Variants in SEC14L5 observed in about 807,000 individuals in gnomAD.
SEC14L5 encodes the protein SEC14-like protein 5.
SEC14L5 carries 96 observed loss-of-function variants against 84.6 expected under a neutral mutation model. The observed-to-expected ratio is 1.13, with a 90% confidence interval of 0.96 to 1.34. The LOEUF is 1.34. Ranked by LOEUF, SEC14L5 falls within the 40% of genes most tolerant of loss-of-function variation. SEC14L5 has a pLI of 0.00. For synonymous variants in SEC14L5, 546 were observed against 383.4 expected (o/e 1.42, Z -4.95); for missense variants, 1,224 against 942.5 (o/e 1.30, Z -3.91).
chr16:4,989,003 C>G (rs1462440132), intron 4 of SEC14L5, among the ~76,000 whole-genome samples: 1 of 152,214 alleles, frequency 6.6e-6, no homozygotes, highest in East Asian at 1.9e-4. Context: ...AAGCTGAGTG[C>G]TGAAGGATGA....
At chr16:4,988,713 G>C (rs985763629) in intron 4 of SEC14L5, among the ~76,000 whole-genome samples, 7 of 152,110 alleles carry the variant, frequency 4.6e-5, no homozygotes, top group Non-Finnish European at 7.3e-5. Flanking sequence ...CTTTAGACCA[G>C]TGCCTGGCAC....
chr16:5,001,562 C>G lies in SEC14L5; in HGVS notation c.1130+637C>G, dbSNP rs115094948. On this transcript the variant is annotated intron_variant, in intron 10 of 15. Coordinates refer to ENST00000251170, the MANE Select transcript of SEC14L5 (RefSeq NM_014692.2). ...GCGTGAGCCACCACTCACAGCCTGA[C>G]TTTGCTTTTTGAGATCAGCTCTCCA... 4.1e-3 allele frequency among the ~76,000 whole-genome samples: 629 copies of G among 152,186 alleles called. 3 individuals are homozygous for G. Among genetic ancestry groups the G allele is most frequent in the African/African-American group, 0.014 (597 of 41,534 alleles).
At chr16:4,995,607 A>T (rs1001097868) in intron 6 of SEC14L5, among the ~76,000 whole-genome samples, 25 of 146,090 alleles carry the variant, frequency 1.7e-4, no homozygotes, top group Non-Finnish European at 3.1e-4. Flanking sequence ...CCTCAGTTTT[A>T]TCTTCTCTCT....
intron 8 of SEC14L5, among the ~76,000 whole-genome samples, chr16:5,000,177 G>C (rs1009649395): frequency 2.6e-5 from 4 of 151,622 alleles, no homozygotes; most frequent in Non-Finnish European, 5.9e-5. Flanking sequence ...TGTAATCCCA[G>C]CTACTCGGGA....
At chr16:4,975,819 T>C (rs1955332762) in intron 2 of SEC14L5, among the ~76,000 whole-genome samples, 1 of 152,128 alleles carries the variant, frequency 6.6e-6, no homozygotes, top group Admixed American at 6.6e-5. Context: ...TGACAGGCGA[T>C]GGGGGCACCT....
chr16:4,958,628 A>C (rs888026861), intron 1 of SEC14L5, among the ~76,000 whole-genome samples, 183 bp downstream of exon 1: 1 of 152,042 alleles, frequency 6.6e-6, no homozygotes, highest in African/African-American at 2.4e-5. Context: ...GTGTGTGTGC[A>C]TGTGCGCACG....
At chr16:5,009,348 G>A (rs1314142130) in intron 14 of SEC14L5, among the ~76,000 whole-genome samples, 1 of 151,948 alleles carries the variant, frequency 6.6e-6, no homozygotes, top group Non-Finnish European at 1.5e-5. Context: ...CTCTATCCAT[G>A]ATCAGGAAAC....
chr16:5,005,304 G>T (rs1005756622), intron 11 of SEC14L5, among the ~76,000 whole-genome samples: 1 of 151,786 alleles, frequency 6.6e-6, no homozygotes, highest in Non-Finnish European at 1.5e-5. Flanking sequence ...GACAGAGCGA[G>T]ACTCTGTCTC....
chr16:4,985,943 C>T (rs1955481487), intron 2 of SEC14L5, among the ~76,000 whole-genome samples: 1 of 151,586 alleles, frequency 6.6e-6, no homozygotes, highest in South Asian at 2.1e-4. Flanking sequence ...TTTGTGTGGA[C>T]TTATGTTTTC....
chr16:4,961,636 A>G (rs1027469473), intron 2 of SEC14L5, among the ~76,000 whole-genome samples: 1 of 152,158 alleles, frequency 6.6e-6, no homozygotes, highest in African/African-American at 2.4e-5. Context: ...GCCCCTATTC[A>G]TATAGCCTTA....
intron 2 of SEC14L5, among the ~76,000 whole-genome samples, chr16:4,976,208 C>G (rs186492979): frequency 6.5e-4 from 99 of 152,296 alleles, no homozygotes; most frequent in Admixed American, 6.4e-3. Context: ...AAGGTAGCTA[C>G]TTTTCTTACT....
chr16:4,994,698 T>A (rs368796624), intron 6 of SEC14L5, among the ~76,000 whole-genome samples: 4 of 150,790 alleles, frequency 2.7e-5, no homozygotes, highest in Admixed American at 1.3e-4. Context: ...TTTTTTTTTA[T>A]AACAGCGCCC....
chr16:4,990,059 A>C (rs537764770), intron 4 of SEC14L5, among the ~76,000 whole-genome samples: 4 of 151,728 alleles, frequency 2.6e-5, no homozygotes, highest in Non-Finnish European at 5.9e-5. Context: ...GATAACATAT[A>C]ATATACAACT....
intron 10 of SEC14L5, among the ~76,000 whole-genome samples, chr16:5,002,140 G>T (rs1294122435): frequency 6.6e-6 from 1 of 152,134 alleles, no homozygotes; most frequent in Non-Finnish European, 1.5e-5. Context: ...CACGGATCTT[G>T]CACTTGCTAT....
chr16:4,981,673 C>A (rs1265864232), intron 2 of SEC14L5, among the ~76,000 whole-genome samples: 1 of 152,136 alleles, frequency 6.6e-6, no homozygotes, highest in African/African-American at 2.4e-5. Flanking sequence ...GGAGTGGGGA[C>A]TGGGCCCAAC....
At position 4,959,253 on chromosome 16, in the gene SEC14L5, C is replaced by T; in HGVS notation, c.-51-20C>T. 1.6e-6 allele frequency: 2 copies of T among 1,245,144 alleles called. No homozygotes were observed. The highest frequency in any genetic ancestry group is 1.2e-5 in the South Asian group (1 of 83,100). 77.1% of individuals were successfully genotyped at this position (1,245,144 alleles called of 1,614,324 possible). The stretch of plus-strand genomic sequence containing the variant: ...TCCCGAGGTGGGAGCTGCAACCTCA[C>T]CAGTCACTCCTCGCCCCAGGCTCTG... On this transcript the variant is annotated intron_variant, in intron 1 of 15. Transcript: ENST00000251170.
intron 3 of SEC14L5, 131 bp downstream of exon 3, chr16:4,987,837 G>C: frequency 1.4e-6 from 1 of 727,032 alleles, no homozygotes; most frequent in Non-Finnish European, 2.2e-6. Flanking sequence ...GTTGATATTT[G>C]GATGGAGGTT....
chr16:5,000,912 G>A lies in SEC14L5; in HGVS notation c.1117G>A (p.Gly373Ser), dbSNP rs563070765. ...KRCEGSTRQL[G>S]RPISSWTCLL... ...GTGTGAGGGGAGCACAAGGCAGCTG[G>A]GCCGTCCCATCAGGCAAACACCTGG... The change falls in exon 10 of 16, where the codon GGC (glycine) becomes AGC (serine). Residue 373 changes from glycine (G) to serine (S), a missense_variant. Transcript: ENST00000251170. 1.6e-5 allele frequency: 26 copies of A among 1,607,456 alleles called. No individual in the cohort carries two copies. Among genetic ancestry groups the A allele is most frequent in the Middle Eastern group, 3.4e-4 (2 of 5,960 alleles).
At chr16:4,977,089 T>G (rs1422541480) in intron 2 of SEC14L5, among the ~76,000 whole-genome samples, 1 of 152,170 alleles carries the variant, frequency 6.6e-6, no homozygotes, top group Non-Finnish European at 1.5e-5. Flanking sequence ...GCCCACAGTT[T>G]CTCAAGGTCA....
Sources: allele counts gnomAD v4.1 joint callset (sites outside exome capture counted in the v4.1 genomes callset), GRCh38; gene constraint gnomAD v4.1.1; transcripts MANE v1.5; gene names NCBI Gene and HGNC (gene_info 2026-07-23, HGNC 2026-07-21).